FRMD3: variants seen among roughly 807,000 people sequenced by gnomAD.
FRMD3 encodes FERM domain containing 3.
Under a neutral mutation model 70.2 loss-of-function variants are expected in FRMD3, and 33 were observed. The ratio of observed to expected loss-of-function variants is 0.47; its 90% CI spans 0.36 to 0.63. FRMD3 has a LOEUF of 0.63. Among genes scored for constraint, FRMD3 ranks in the 20% least tolerant of loss-of-function variants. The probability of loss-of-function intolerance (pLI) is 0.00; values close to 1 mark genes in which losing one functional copy is unlikely to be tolerated. For synonymous variants in FRMD3, 279 were observed against 255.9 expected (o/e 1.09, Z -0.86); for missense variants, 632 against 711.4 (o/e 0.89, Z 1.27).
At chr9:83,351,007 T>A in intron 3 of FRMD3, 1 of 970,928 alleles carries the variant, frequency 1.0e-6, no homozygotes, top group African/African-American at 1.8e-5. Flanking sequence ...CTCATTTGCT[T>A]CTGTATCAGT....
At chr9:83,343,090 G>A (rs1377809081) in intron 5 of FRMD3, 100 bp downstream of exon 5, 10 of 835,838 alleles carry the variant, frequency 1.2e-5, no homozygotes, top group Non-Finnish European at 2.1e-5. Context: ...TCCAGCCACA[G>A]ACACAGGCAG....
chr9:83,343,355 A>G lies in FRMD3; in HGVS notation c.375-68T>C, dbSNP rs561157565. The G allele has an allele frequency of 3.2e-5, 34 of 1,064,086 alleles. No individual in the cohort carries two copies. In the South Asian group the frequency reaches 3.6e-4, roughly 11 times the overall value. The allele number at this position is 1,064,086 out of a possible 1,614,324, so 65.9% of individuals were successfully genotyped here. On this transcript the variant is annotated intron_variant, in intron 4 of 13. Coordinates refer to ENST00000304195, the MANE Select transcript of FRMD3 (RefSeq NM_174938.6). ...AAGTCTGGAAGAAGTAGGATTGTTC[A>G]TGCTTAGCTCCCATGGTGACCAGAG...
chr9:83,547,835 C>G, the FRMD3 span, among the ~76,000 whole-genome samples: 1 of 152,200 alleles, frequency 6.6e-6, no homozygotes, highest in African/African-American at 2.4e-5. Flanking sequence ...AATTATATCA[C>G]TTCTCAGTCT....
chr9:83,528,373 C>T (rs1017594583), intron 1 of FRMD3, among the ~76,000 whole-genome samples: 1 of 151,944 alleles, frequency 6.6e-6, no homozygotes, highest in African/African-American at 2.4e-5. Flanking sequence ...TTTCTGTGAA[C>T]ATGCAGTGTT....
chr9:83,548,958 TC>T, the FRMD3 span, among the ~76,000 whole-genome samples: 1 of 151,738 alleles, frequency 6.6e-6, no homozygotes, highest in East Asian at 1.9e-4. Flanking sequence ...GTTACAGATT[TC>T]TTTTTTTTAT....
chr9:83,331,442 G>A (rs539125970), intron 6 of FRMD3, among the ~76,000 whole-genome samples: 3 of 152,276 alleles, frequency 2.0e-5, no homozygotes, highest in Admixed American at 6.5e-5. Flanking sequence ...CCAGGGGTTA[G>A]GGGAGAAGGA....
intron 8 of FRMD3, 54 bp from the exon 9 acceptor site, chr9:83,310,602 T>A: frequency 1.4e-6 from 2 of 1,405,118 alleles, no homozygotes; most frequent in Non-Finnish European, 2.0e-6. Context: ...CTAACCAAGG[T>A]ACCTGGGTTT....
intron 1 of FRMD3, among the ~76,000 whole-genome samples, chr9:83,448,518 GGT>G (rs1365850711): frequency 6.6e-6 from 1 of 152,186 alleles, no homozygotes; most frequent in Non-Finnish European, 1.5e-5. Context: ...GGAAAATAGA[GGT>G]GCATTTGCAG....
chr9:83,581,976 A>T, the FRMD3 span, among the ~76,000 whole-genome samples: 1 of 152,232 alleles, frequency 6.6e-6, no homozygotes, highest in Non-Finnish European at 1.5e-5. Flanking sequence ...ATGCTTGCGT[A>T]ACTCTGTGAA....
chr9:83,298,871 G>T, intron 11 of FRMD3, 55 bp from the exon 12 acceptor site: 1 of 1,514,354 alleles, frequency 6.6e-7, no homozygotes, highest in South Asian at 1.1e-5. Flanking sequence ...AGAATGGGAG[G>T]GATATGCACA....
upstream of FRMD3, chr9:83,538,490 C>G (rs1300026805): frequency 3.1e-6 from 1 of 325,302 alleles, no homozygotes; most frequent in East Asian, 4.7e-5. This position sits in a 1 kb window ranked among gnomAD's most constrained non-coding sequence, Gnocchi z 4.7. Context: ...GCGCCTCCCT[C>G]TGCCCGGGCT....
At chr9:83,544,593 G>A in the FRMD3 span, among the ~76,000 whole-genome samples, 26 of 152,194 alleles carry the variant, frequency 1.7e-4, no homozygotes, top group Admixed American at 5.9e-4. Context: ...CTACTGGTCT[G>A]GAAGTCAAAC....
chr9:83,399,951 T>C (rs1178372525), intron 1 of FRMD3, among the ~76,000 whole-genome samples: 1 of 152,056 alleles, frequency 6.6e-6, no homozygotes, highest in African/African-American at 2.4e-5. Flanking sequence ...ACCACTTCTT[T>C]TCAACACCAT....
intron 13 of FRMD3, among the ~76,000 whole-genome samples, chr9:83,254,284 G>T (rs547318965): frequency 2.0e-5 from 3 of 151,708 alleles, no homozygotes; most frequent in African/African-American, 7.2e-5. Context: ...AATAATAAAA[G>T]AAACTTTCAA....
chr9:83,338,983 T>C (rs921169361), intron 5 of FRMD3, among the ~76,000 whole-genome samples: 4 of 152,260 alleles, frequency 2.6e-5, no homozygotes, highest in East Asian at 1.9e-4. Context: ...CCATTTTCCA[T>C]AGGTAATTTC....
At chr9:83,527,491 A>T (rs1367169080) in intron 1 of FRMD3, among the ~76,000 whole-genome samples, 1 of 152,136 alleles carries the variant, frequency 6.6e-6, no homozygotes, top group Non-Finnish European at 1.5e-5. Context: ...GAGGAACAAA[A>T]GGAACAGACT....
In FRMD3 at chr9:83,245,604, A is replaced by G. The variant is rs1832054570; in HGVS notation, c.*2314T>C. 2 of 805,424 alleles carry G rather than the reference A, an allele frequency of 2.5e-6. No homozygotes were observed. The highest frequency in any genetic ancestry group is 3.7e-5 in the African/African-American group (2 of 53,948). The allele number at this position is 805,424 out of a possible 1,614,324, so 49.9% of individuals were successfully genotyped here. A position where few individuals can be genotyped will look rare whatever the true frequency, so the allele number is the denominator to read the frequency against. On this transcript the variant is annotated 3_prime_UTR_variant, in exon 14 of 14. Transcript: ENST00000304195. ...TTGGATTACATGTGATATTTATACT[A>G]TCATATTTTTTAAGTATTTTACAAT...
At position 83,309,518 on chromosome 9, in the gene FRMD3, T is replaced by A. The variant is rs1341654683; in HGVS notation, c.926+18A>T. On this transcript the variant is annotated intron_variant, in intron 10 of 13. Coordinates refer to ENST00000304195, the MANE Select transcript of FRMD3 (RefSeq NM_174938.6). ...GGTGCTTTTAAAAGCTATAATTAAATGAATAAAAGCCACTTACTTATAAAA... is the reference window on the plus strand; with the variant it reads ...GGTGCTTTTAAAAGCTATAATTAAAAGAATAAAAGCCACTTACTTATAAAA... The A allele has an allele frequency of 1.3e-6, 2 of 1,482,402 alleles. No individual in the cohort carries two copies. Among genetic ancestry groups the A allele is most frequent in the African/African-American group, 1.4e-5 (1 of 70,958 alleles). The allele number at this position is 1,482,402 out of a possible 1,614,324, so 91.8% of individuals were successfully genotyped here.
intron 1 of FRMD3, among the ~76,000 whole-genome samples, chr9:83,437,638 A>C (rs1220914121): frequency 6.6e-6 from 1 of 152,104 alleles, no homozygotes; most frequent in Non-Finnish European, 1.5e-5. Flanking sequence ...CCACAATCAC[A>C]GTGCTTCTTC....
Sources: allele counts gnomAD v4.1 joint callset (sites outside exome capture counted in the v4.1 genomes callset), GRCh38; gene constraint gnomAD v4.1.1; non-coding constraint Gnocchi (gnomAD v3.1); transcripts MANE v1.5; gene names NCBI Gene and HGNC (gene_info 2026-07-23, HGNC 2026-07-21).